Variants in DNMT3B observed in about 807,000 individuals in gnomAD.
DNMT3B encodes DNA (cytosine-5)-methyltransferase 3B.
In DNMT3B, 37 loss-of-function variants were observed where a neutral mutation model predicts 120.2. That is an observed-to-expected ratio of 0.31 (90% confidence interval 0.24 to 0.40). The LOEUF (loss-of-function observed/expected upper bound fraction) is 0.40. Ranked by LOEUF, DNMT3B falls within the 10% of genes least tolerant of loss-of-function variation. The pLI is 1.00. For missense variants in DNMT3B, 878 were observed against 1,137.3 expected (o/e 0.77, Z 3.28); for synonymous variants, 412 against 442.8 (o/e 0.93, Z 0.87).
rs773384575 is a variant in DNMT3B, at chr20:32,788,858, G to A, written c.659G>A (p.Gly220Glu). 6.2e-7 allele frequency: 1 copy of A among 1,614,182 alleles called. No homozygotes were observed. The highest frequency in any genetic ancestry group is 8.5e-7 in the Non-Finnish European group (1 of 1,180,040). The change falls in exon 7 of 23, where the codon GGG (glycine) becomes GAG (glutamate). Residue 220 changes from glycine to glutamate, a missense_variant. By Grantham distance (98) the Gly-to-Glu change is moderately conservative. This residue lies in a region of DNMT3B where 50 missense variants were observed against 89.7 expected (regional missense o/e 0.56). Coordinates refer to ENST00000328111, the MANE Select transcript of DNMT3B (RefSeq NM_006892.4). Reference sequence around the variant, plus strand: ...TTCATGTGGGTTTTCTTCCAGGATGGGAAGGAGTTTGGAATAGGGGACCTC... The same window carrying A: ...TTCATGTGGGTTTTCTTCCAGGATGAGAAGGAGTTTGGAATAGGGGACCTC... Reference protein sequence around the residue: ...GDGDSSEYQDGKEFGIGDLVW... With the variant: ...GDGDSSEYQDEKEFGIGDLVW...
rs1411999910 is a variant in DNMT3B, at chr20:32,776,174, A to G, written c.-6-4144A>G. 2.6e-5 allele frequency among the ~76,000 whole-genome samples: 4 copies of G among 151,934 alleles called. No individual in the cohort carries two copies. In the East Asian group the frequency reaches 7.8e-4, roughly 29 times the overall value. On this transcript the variant is annotated intron_variant, in intron 1 of 22. Transcript: ENST00000328111. ...AACCCGGGAGGTGGAGGTTGCAGTG[A>G]GCCGAGATCGCGCCACTGCACTCCA...
intron 3 of DNMT3B, among the ~76,000 whole-genome samples, chr20:32,782,788 G>A (rs922172762): frequency 6.6e-6 from 1 of 152,152 alleles, no homozygotes; most frequent in Admixed American, 6.6e-5. Flanking sequence ...GCCATGGGGG[G>A]TCTTGCATGT....
intron 1 of DNMT3B, among the ~76,000 whole-genome samples, chr20:32,778,278 G>T (rs1474931641): frequency 1.3e-5 from 2 of 152,104 alleles, no homozygotes; most frequent in East Asian, 1.9e-4. Flanking sequence ...AGAGGTTGCG[G>T]TGAGCTGAGA....
intron 1 of DNMT3B, among the ~76,000 whole-genome samples, chr20:32,776,947 G>T (rs1375599166): frequency 6.6e-6 from 1 of 152,088 alleles, no homozygotes; most frequent in Admixed American, 6.6e-5. Flanking sequence ...CGGGGTGGGG[G>T]AGGAACTGAG....
Position 32,767,860 on chromosome 20 carries a change from C to G in DNMT3B, c.-7+5161C>G, listed in dbSNP as rs555795509. On this transcript the variant is annotated intron_variant, in intron 1 of 22. Coordinates refer to ENST00000328111, the MANE Select transcript of DNMT3B (RefSeq NM_006892.4). ...ACTCTTCCTTTGGAAGAAGGCCTCT[C>G]TCTTAGTAGGCTTTTCTGGATTCCA... 5.3e-4 allele frequency among the ~76,000 whole-genome samples: 81 copies of G among 152,340 alleles called. 1 individual carries two copies. The highest frequency in any genetic ancestry group is 1.9e-3 in the African/African-American group (79 of 41,586).
chr20:32,782,134 C>T (rs1978699707), intron 3 of DNMT3B, among the ~76,000 whole-genome samples: 1 of 152,204 alleles, frequency 6.6e-6, no homozygotes, highest in African/African-American at 2.4e-5. Context: ...GCTAGTTTTA[C>T]TGTTGCACCT....
intron 15 of DNMT3B, 147 bp from the exon 16 acceptor site, chr20:32,799,097 C>T (rs1397521195): frequency 1.1e-5 from 9 of 845,844 alleles, no homozygotes; most frequent in African/African-American, 6.7e-5. Context: ...ACTTGTCTCC[C>T]CAATCCCCAT....
At chr20:32,803,673 C>CT (rs954629807) in intron 20 of DNMT3B, among the ~76,000 whole-genome samples, 50 of 152,250 alleles carry the variant, frequency 3.3e-4, no homozygotes, top group African/African-American at 1.2e-3. Context: ...GCTTCTCATT[C>CT]TAGCGAAGGT....
intron 1 of DNMT3B, chr20:32,779,877 C>T (rs896597060): frequency 3.3e-6 from 2 of 607,526 alleles, no homozygotes; most frequent in Admixed American, 5.6e-5. Flanking sequence ...ACAAAGGGGT[C>T]AGGAGGGAAA....
rs367677856 is a variant in DNMT3B at position 32,780,178 on chromosome 20, G to T, written c.-6-140G>T. ...GGAGGCTATGGGGGGCAGCCTGGGT[G>T]GGGTACTTGGGCAAGAGCATCACCC... On this transcript the variant is annotated intron_variant, in intron 1 of 22. Coordinates refer to ENST00000328111, the MANE Select transcript of DNMT3B (RefSeq NM_006892.4). 9 of 1,613,098 alleles carry T rather than the reference G, an allele frequency of 5.6e-6. No individual in the cohort carries two copies. The South Asian group carries it at 7.7e-5, about 14-fold the overall frequency.
In DNMT3B at chr20:32,773,346, C is replaced by T. The variant is rs145453964; in HGVS notation, c.-6-6972C>T. 1.5e-3 allele frequency among the ~76,000 whole-genome samples: 224 copies of T among 152,304 alleles called. 1 individual carries two copies. The highest frequency in any genetic ancestry group is 5.2e-3 in the African/African-American group (216 of 41,576). On this transcript the variant is annotated intron_variant, in intron 1 of 22. Coordinates refer to ENST00000328111, the MANE Select transcript of DNMT3B (RefSeq NM_006892.4). ...GGGCCCAGCTTCTACTGTAGGATGA[C>T]AGTGGTACATGTACTCATGACCTAG...
At chr20:32,773,934 GTTTTTTTTT>G (rs1161730284) in intron 1 of DNMT3B, among the ~76,000 whole-genome samples, 8 of 69,152 alleles carry the variant, frequency 1.2e-4, no homozygotes, top group African/African-American at 5.3e-4. Flanking sequence ...CCCGGCAGTG[GTTTTTTTTT>G]TTTTTTTTTT....
intron 1 of DNMT3B, among the ~76,000 whole-genome samples, chr20:32,765,743 A>C (rs369678688): frequency 2.1e-4 from 19 of 89,668 alleles, no homozygotes; most frequent in Middle Eastern, 7.1e-3. Context: ...TTATTTATTT[A>C]TTTTTTCTTT....
intron 8 of DNMT3B, 40 bp downstream of exon 8, chr20:32,791,748 C>T: frequency 6.2e-7 from 1 of 1,605,874 alleles, no homozygotes; most frequent in Non-Finnish European, 8.5e-7. Flanking sequence ...GCCCTGAGAG[C>T]AGGGATGAAG....
At chr20:32,799,675 G>A (rs1206647245) in intron 16 of DNMT3B, among the ~76,000 whole-genome samples, 1 of 152,050 alleles carries the variant, frequency 6.6e-6, no homozygotes, top group Non-Finnish European at 1.5e-5. Flanking sequence ...TCACCACCAC[G>A]CCCAGCTAAT....
Position 32,805,425 on chromosome 20 carries a change from CCT to C in DNMT3B, c.2301+21_2301+22del, listed in dbSNP as rs1313843558. The C allele has an allele frequency of 1.2e-6, 2 of 1,613,756 alleles. No individual in the cohort carries two copies. The highest frequency in any genetic ancestry group is 3.3e-5 in the Admixed American group (2 of 59,986). On this transcript the variant is annotated intron_variant, in intron 21 of 22. Transcript: ENST00000328111. Reference sequence around the variant, plus strand: ...TAGCCAAGGTAAGACGAGCTGTGGCCCTCTGGAAAAATGCACTTGGTGACCTC... The same window carrying C: ...TAGCCAAGGTAAGACGAGCTGTGGCCCTGGAAAAATGCACTTGGTGACCTC...
intron 8 of DNMT3B, among the ~76,000 whole-genome samples, chr20:32,792,395 A>T (rs1040555): frequency 0.51 from 77,439 of 151,896 alleles, 20,822 homozygotes; most frequent in East Asian, 0.99. Flanking sequence ...GGGGGAAGAG[A>T]TCCTATTTGG....
rs756558325 is a variant in DNMT3B at position 32,801,289 on chromosome 20, C to T, written c.2008C>T (p.Arg670Trp). 1.2e-6 allele frequency: 2 copies of T among 1,614,088 alleles called. No homozygotes were observed. Among genetic ancestry groups the T allele is most frequent in the Non-Finnish European group, 1.7e-6 (2 of 1,180,034 alleles). The change falls in exon 19 of 23, where the codon CGG becomes TGG. Residue 670 changes from arginine to tryptophan, a missense_variant. Transcript: ENST00000328111. ...ARKGLYEGTG[R>W]LFFEFYHLLN... ...TTTTCTGAGCACAGAGGGTACAGGC[C>T]GGCTCTTCTTCGAATTTTACCACCT... is the stretch of plus-strand genomic sequence containing the variant.
At chr20:32,769,933 G>A (rs74853037) in intron 1 of DNMT3B, among the ~76,000 whole-genome samples, 4,680 of 151,978 alleles carry the variant, frequency 0.031, 234 homozygotes, top group African/African-American at 0.11. Flanking sequence ...GTTATGACAC[G>A]TACTAGCAGT....
Sources: gnomAD v4.1 joint callset for allele counts (sites outside exome capture counted in the v4.1 genomes callset) on GRCh38, gnomAD v4.1.1 for gene constraint, gnomAD v4.1.1 regional missense constraint, MANE v1.5 for transcripts, NCBI Gene and HGNC (gene_info 2026-07-23, HGNC 2026-07-21) for gene names.